GUCY1A2: variants seen among roughly 807,000 people sequenced by gnomAD.
GUCY1A2 encodes guanylate cyclase soluble subunit alpha-2.
Under a neutral mutation model 63.5 loss-of-function variants are expected in GUCY1A2, and 27 were observed. The observed-to-expected ratio is 0.43, with a 90% CI of 0.31 to 0.59. GUCY1A2 has a LOEUF of 0.59. GUCY1A2 is among the 20% of genes least tolerant of loss of function. The pLI is 0.11. For synonymous variants in GUCY1A2, 364 were observed against 343.5 expected, an observed-to-expected ratio of 1.06 and a Z score of -0.66; for missense variants, 768 against 913.3, an observed-to-expected ratio of 0.84 and a Z score of 2.05.
chr11:106,992,069 A>G (rs1861476599), intron 1 of GUCY1A2, among the ~76,000 whole-genome samples: 1 of 152,202 alleles, frequency 6.6e-6, no homozygotes, highest in Admixed American at 6.5e-5. Context: ...CCAGGTAGGT[A>G]ATATGGCTCC....
chr11:106,860,542 T>C (rs1859497080), intron 4 of GUCY1A2, among the ~76,000 whole-genome samples: 2 of 151,976 alleles, frequency 1.3e-5, no homozygotes, highest in South Asian at 2.1e-4. Flanking sequence ...TTTACCATAT[T>C]GTATCTAATC....
intron 6 of GUCY1A2, among the ~76,000 whole-genome samples, chr11:106,726,221 C>A (rs1029936278): frequency 6.6e-6 from 1 of 152,046 alleles, no homozygotes; most frequent in Non-Finnish European, 1.5e-5. Flanking sequence ...TTGAGACCAG[C>A]CTGACCGACA....
intron 4 of GUCY1A2, among the ~76,000 whole-genome samples, chr11:106,876,153 T>C (rs1211593501): frequency 6.6e-6 from 1 of 152,024 alleles, no homozygotes; most frequent in Non-Finnish European, 1.5e-5. Flanking sequence ...TGTATAACAA[T>C]ATCTAAAAAA....
chr11:106,901,821 C>T (rs1039937332), intron 4 of GUCY1A2, among the ~76,000 whole-genome samples: 11 of 152,096 alleles, frequency 7.2e-5, no homozygotes, highest in African/African-American at 2.7e-4. Flanking sequence ...TGAACTCATC[C>T]TTTTTTATGG....
Position 106,810,092 on chromosome 11 carries a change from T to G in GUCY1A2, c.1593A>C (p.Thr531=). The stretch of plus-strand genomic sequence containing the variant: ...TGGGAGTACACTGGGCACATATGGC[T>G]GTGAAGCCAACAATGTCTGAAAAGA... ...TMLFSDIVGF[T]AICAQCTPMQ... is the part of the protein sequence containing the mutation. Residue 531 remains threonine, a synonymous_variant, in exon 5 of 8, where the codon ACA becomes ACC. Coordinates refer to ENST00000526355, the MANE Select transcript of GUCY1A2 (RefSeq NM_000855.3). 1.9e-6 allele frequency: 3 copies of G among 1,613,880 alleles called. 1 individual carries two copies. The highest frequency in any genetic ancestry group is 2.2e-5 in the South Asian group (2 of 91,088).
intron 7 of GUCY1A2, among the ~76,000 whole-genome samples, chr11:106,698,062 T>C (rs750526909): frequency 9.2e-5 from 14 of 151,422 alleles, no homozygotes; most frequent in Non-Finnish European, 1.6e-4. Flanking sequence ...TAATAATATA[T>C]AAGATCCTCT....
At chr11:106,845,162 T>C (rs1859253529) in intron 4 of GUCY1A2, among the ~76,000 whole-genome samples, 1 of 151,596 alleles carries the variant, frequency 6.6e-6, no homozygotes, top group Non-Finnish European at 1.5e-5. Flanking sequence ...AAATTATCAA[T>C]GTCCAGAGTC....
At position 107,017,735 on chromosome 11, in the gene GUCY1A2, C is replaced by A; in HGVS notation, c.303+18G>T. On this transcript the variant is annotated intron_variant, in intron 1 of 7. Coordinates refer to ENST00000526355, the MANE Select transcript of GUCY1A2 (RefSeq NM_000855.3). ...TTCTCTCCCCCGAAGGCGGTCCCCC[C>A]TTCCGCCCCCCGCTCACCGAGGGCG... is the stretch of plus-strand genomic sequence containing the variant. 1.5e-6 allele frequency: 2 copies of A among 1,366,702 alleles called. No individual in the cohort carries two copies. The highest frequency in any genetic ancestry group is 9.5e-7 in the Non-Finnish European group (1 of 1,055,210). The allele number at this position is 1,366,702 out of a possible 1,614,324, so 84.7% of individuals were successfully genotyped here.
chr11:106,891,351 A>G (rs1429705905), intron 4 of GUCY1A2, among the ~76,000 whole-genome samples: 1 of 152,088 alleles, frequency 6.6e-6, no homozygotes, highest in African/African-American at 2.4e-5. Context: ...ATACAAGTCT[A>G]TTGTCAGGAA....
intron 4 of GUCY1A2, among the ~76,000 whole-genome samples, chr11:106,911,475 C>A (rs924192708): frequency 1.3e-5 from 2 of 152,034 alleles, no homozygotes; most frequent in Admixed American, 1.3e-4. Flanking sequence ...TAACAATTAG[C>A]AAAGAAATAA....
At chr11:106,938,772 T>C (rs758667306) in intron 4 of GUCY1A2, among the ~76,000 whole-genome samples, 3 of 152,222 alleles carry the variant, frequency 2.0e-5, no homozygotes, top group Non-Finnish European at 4.4e-5. Flanking sequence ...TTTTAAGATT[T>C]ATTTCTGGTG....
intron 6 of GUCY1A2, among the ~76,000 whole-genome samples, chr11:106,745,407 T>C (rs1029981514): frequency 2.0e-5 from 3 of 152,266 alleles, no homozygotes; most frequent in Non-Finnish European, 4.4e-5. Context: ...TTAGCCATTT[T>C]ATTATACCAC....
chr11:106,860,978 A>G (rs889681335), intron 4 of GUCY1A2, among the ~76,000 whole-genome samples: 4 of 151,792 alleles, frequency 2.6e-5, no homozygotes, highest in South Asian at 2.1e-4. Flanking sequence ...AAATTTTAAG[A>G]AGGAGGAGGA....
At chr11:106,821,072 A>ATGT (rs1858895704) in intron 4 of GUCY1A2, among the ~76,000 whole-genome samples, 1 of 152,264 alleles carries the variant, frequency 6.6e-6, no homozygotes, top group African/African-American at 2.4e-5. Context: ...AGTCAATTTA[A>ATGT]TGTTCCATGA....
Position 106,678,836 on chromosome 11 carries a change from T to C in GUCY1A2, c.*8713A>G. On this transcript the variant is annotated 3_prime_UTR_variant, in exon 8 of 8. Transcript: ENST00000526355. ...TTAAGTAAAATAATATTGCCAAATT[T>C]GCAAACCCTGGCTCAATGCCACAAT... 1 of 191,210 alleles carries C rather than the reference T, an allele frequency of 5.2e-6. No homozygotes were observed. Among genetic ancestry groups the C allele is most frequent in the African/African-American group, 2.3e-5 (1 of 43,208 alleles). The allele number at this position is 191,210 out of a possible 1,614,324, so 11.8% of individuals were successfully genotyped here.
Position 106,685,525 on chromosome 11 carries a change from T to C in GUCY1A2, c.*2024A>G, listed in dbSNP as rs1477975256. 8.8e-6 allele frequency: 2 copies of C among 226,360 alleles called. No homozygotes were observed. Among genetic ancestry groups the C allele is most frequent in the African/African-American group, 4.4e-5 (2 of 44,970 alleles). The allele number at this position is 226,360 out of a possible 1,614,324, so 14.0% of individuals were successfully genotyped here. On this transcript the variant is annotated 3_prime_UTR_variant, in exon 8 of 8. Coordinates refer to ENST00000526355, the MANE Select transcript of GUCY1A2 (RefSeq NM_000855.3). ...ACATTGTTCATCACCAACATTTTAT[T>C]GATTTAATATACCATAATAAGTTCT...
At chr11:106,738,606 A>T (rs1863631818) in intron 6 of GUCY1A2, among the ~76,000 whole-genome samples, 1 of 152,178 alleles carries the variant, frequency 6.6e-6, no homozygotes, top group Non-Finnish European at 1.5e-5. Context: ...AGATTTTTGC[A>T]TATGGCTAGC....
chr11:106,938,506 A>C (rs1191379485), intron 4 of GUCY1A2, among the ~76,000 whole-genome samples: 2 of 152,178 alleles, frequency 1.3e-5, no homozygotes, highest in Non-Finnish European at 2.9e-5. Context: ...AAATGCTTGG[A>C]AACAGGCTAA....
chr11:106,805,751 A>G (rs183534436), intron 5 of GUCY1A2, among the ~76,000 whole-genome samples: 1 of 152,336 alleles, frequency 6.6e-6, no homozygotes, highest in Non-Finnish European at 1.5e-5. Flanking sequence ...AAAAGATGGC[A>G]GACGGGAGAA....
Sources: allele counts gnomAD v4.1 joint callset (sites outside exome capture counted in the v4.1 genomes callset), GRCh38; gene constraint gnomAD v4.1.1; transcripts MANE v1.5; gene names NCBI Gene and HGNC (gene_info 2026-07-23, HGNC 2026-07-21).